The following OTUD4 variants were observed in gnomAD, a reference collection of about 807,000 sequenced individuals.
OTUD4 encodes the protein OTU domain-containing protein 4.
OTUD4 carries 24 observed loss-of-function variants against 130.4 expected under a neutral mutation model. The ratio of observed to expected loss-of-function variants is 0.18; its 90% CI spans 0.13 to 0.26. The LOEUF is 0.26. Ranked by LOEUF, OTUD4 falls within the 10% of genes least tolerant of loss-of-function variation. The pLI is 1.00. For missense variants in OTUD4, 1,031 were observed against 1,329.4 expected, an observed-to-expected ratio of 0.78 and a Z score of 3.49; for synonymous variants, 420 against 472.5, an observed-to-expected ratio of 0.89 and a Z score of 1.44.
intron 7 of OTUD4, among the ~76,000 whole-genome samples, chr4:145,158,659 C>T (rs976782533): frequency 3.9e-5 from 6 of 152,112 alleles, no homozygotes; most frequent in African/African-American, 1.2e-4. Flanking sequence ...TATTCTCATA[C>T]AACAATGTAT....
At chr4:145,165,403 A>G (rs987560146) in intron 3 of OTUD4, among the ~76,000 whole-genome samples, 4 of 152,236 alleles carry the variant, frequency 2.6e-5, no homozygotes, top group African/African-American at 9.6e-5. Flanking sequence ...CCACACATAC[A>G]CAAAAAAATA....
intron 16 of OTUD4, 58 bp from the exon 17 acceptor site, chr4:145,143,503 T>G: frequency 1.0e-6 from 1 of 981,966 alleles, no homozygotes; most frequent in Non-Finnish European, 1.6e-6. Flanking sequence ...TTCTGGAATA[T>G]TGATGGTTTC....
intron 4 of OTUD4, 114 bp downstream of exon 4, chr4:145,165,037 G>C (rs548060731): frequency 1.9e-6 from 1 of 513,926 alleles, no homozygotes; most frequent in Non-Finnish European, 3.4e-6. Flanking sequence ...ACTTAGAAAA[G>C]ATACTTCATA....
intron 14 of OTUD4, among the ~76,000 whole-genome samples, chr4:145,144,775 A>G (rs996637931): frequency 1.3e-5 from 2 of 152,110 alleles, no homozygotes; most frequent in Non-Finnish European, 2.9e-5. Context: ...CCAACCTTCC[A>G]AAAAAATCAT....
chr4:145,154,193 C>T (rs142763712), intron 10 of OTUD4, among the ~76,000 whole-genome samples: 4 of 152,300 alleles, frequency 2.6e-5, no homozygotes, highest in African/African-American at 4.8e-5. Context: ...GATTTAATCT[C>T]ATTTGTTCTC....
At chr4:145,156,770 C>T (rs1225240114) in intron 7 of OTUD4, among the ~76,000 whole-genome samples, 1 of 152,112 alleles carries the variant, frequency 6.6e-6, no homozygotes, top group Non-Finnish European at 1.5e-5. Context: ...GTCACATACA[C>T]ACCTACACAT....
intron 3 of OTUD4, 103 bp downstream of exon 3, chr4:145,171,567 C>G: frequency 1.6e-6 from 1 of 620,560 alleles, no homozygotes; most frequent in East Asian, 2.9e-5. Flanking sequence ...ACCGTCACTG[C>G]AACTCCTCTA....
chr4:145,160,660 C>T (rs900692439), intron 6 of OTUD4, among the ~76,000 whole-genome samples: 1 of 151,668 alleles, frequency 6.6e-6, no homozygotes, highest in Admixed American at 6.6e-5. Context: ...TAAAAATACA[C>T]AAATTACCCA....
At chr4:145,177,490 A>G (rs975215567) in intron 1 of OTUD4, among the ~76,000 whole-genome samples, 1 of 152,278 alleles carries the variant, frequency 6.6e-6, no homozygotes, top group Non-Finnish European at 1.5e-5. Flanking sequence ...GGTTGATAAC[A>G]CTTCGAAAGA....
chr4:145,162,763 A>T (rs770634049), intron 5 of OTUD4, 42 bp from the exon 6 acceptor site: 1 of 1,011,358 alleles, frequency 9.9e-7, no homozygotes, highest in East Asian at 2.5e-5. Flanking sequence ...CCCCTCATAC[A>T]TATAACATTT....
intron 1 of OTUD4, among the ~76,000 whole-genome samples, chr4:145,176,381 T>C (rs184728499): frequency 4.0e-5 from 6 of 151,780 alleles, no homozygotes; most frequent in East Asian, 1.9e-4. Context: ...TAATAGAAAG[T>C]ATCTTTAAAA....
chr4:145,144,415 G>T lies in OTUD4; in HGVS notation c.1442C>A (p.Ser481Ter). The T allele has an allele frequency of 6.2e-7, 1 of 1,611,196 alleles. No homozygotes were observed. Among genetic ancestry groups the T allele is most frequent in the South Asian group, 1.1e-5 (1 of 90,494 alleles). Residue 481 changes from serine (S) to a stop codon, truncating the protein, a stop_gained, in exon 15 of 21, where the codon TCA (serine) becomes TAA (stop). Transcript: ENST00000447906. LOFTEE classifies it high-confidence loss of function. Reference sequence around the variant, plus strand: ...ACATGGATTGCTACTCTGAGAAGCTGACTGATTGACTGATGAGCTCTTTAA... The same window carrying T: ...ACATGGATTGCTACTCTGAGAAGCTTACTGATTGACTGATGAGCTCTTTAA... The part of the protein sequence containing the change: ...PALSSSSVNQ[S>*]ASQSSNPCVQ...
intron 3 of OTUD4, 81 bp downstream of exon 3, chr4:145,171,589 A>G (rs2126804325): frequency 1.4e-6 from 1 of 713,958 alleles, no homozygotes. Context: ...ACACTGTAAT[A>G]GTAATCTTCT....
rs568468853 is a variant in OTUD4, at chr4:145,180,335, G to C, written c.-362C>G. ...GCCGCCCCCACAAGTTTCCTCCTCC[G>C]TACCGGTGTGAAGCGAGAAAACCCC... On this transcript the variant is annotated 5_prime_UTR_variant, in exon 1 of 21. Transcript: ENST00000447906. 2.0e-5 allele frequency among the ~76,000 whole-genome samples: 3 copies of C among 152,208 alleles called. No homozygotes were observed. The highest frequency in any genetic ancestry group is 7.2e-5 in the African/African-American group (3 of 41,560).
Position 145,138,227 on chromosome 4 carries a change from G to A in OTUD4, c.2548C>T (p.Pro850Ser). 2 of 1,613,936 alleles carry A rather than the reference G, an allele frequency of 1.2e-6. No homozygotes were observed. The highest frequency in any genetic ancestry group is 1.7e-6 in the Non-Finnish European group (2 of 1,179,858). The change falls in exon 21 of 21, where the codon CCA becomes TCA. Residue 850 changes from proline (P) to serine (S), a missense_variant. Transcript: ENST00000447906. ...PSFGPNPFLG[P>S]VPIAPPFFPH... is the part of the protein sequence containing the mutation. ...AAGAAAGGAGGTGCAATAGGAACTGGGCCTAAGAATGGATTGGGTCCAAAA... is the reference window on the plus strand; with the variant it reads ...AAGAAAGGAGGTGCAATAGGAACTGAGCCTAAGAATGGATTGGGTCCAAAA...
rs764105709 is a variant in OTUD4 at position 145,137,916 on chromosome 4, G to A, written c.2859C>T (p.Ile953=). The A allele has an allele frequency of 3.1e-6, 5 of 1,614,024 alleles. No homozygotes were observed. The African/African-American group carries it at 5.3e-5, about 17-fold the overall frequency. Residue 953 remains isoleucine, a synonymous_variant, in exon 21 of 21, where the codon ATC becomes ATT. Coordinates refer to ENST00000447906, the MANE Select transcript of OTUD4 (RefSeq NM_001366057.1). ...GAGCCTTTCCCTCTGCTACAGGAGG[G>A]ATGGAAGCCAATGCCGTATCTGCCT... ...TRKADTALAS[I]PPVAEGKAHP...
At chr4:145,170,124 G>A (rs561880338) in intron 3 of OTUD4, among the ~76,000 whole-genome samples, 1 of 152,274 alleles carries the variant, frequency 6.6e-6, no homozygotes, top group East Asian at 1.9e-4. Flanking sequence ...TGATGCCTAG[G>A]CCCCAGGCCC....
At chr4:145,165,302 A>T (rs958609806) in intron 3 of OTUD4, 105 bp from the exon 4 acceptor site, 7 of 654,460 alleles carry the variant, frequency 1.1e-5, no homozygotes, top group Non-Finnish European at 1.3e-5. Context: ...GAGTTCTTAA[A>T]GCTCATTATT....
intron 10 of OTUD4, among the ~76,000 whole-genome samples, chr4:145,153,156 AAAAG>A (rs1388451663): frequency 1.3e-5 from 2 of 152,316 alleles, no homozygotes; most frequent in East Asian, 1.9e-4. Flanking sequence ...TCTCCTACCT[AAAAG>A]AAAGAAAACC....
Sources: gnomAD v4.1 joint callset for allele counts (sites outside exome capture counted in the v4.1 genomes callset) on GRCh38, gnomAD v4.1.1 for gene constraint, MANE v1.5 for transcripts, NCBI Gene and HGNC (gene_info 2026-07-23, HGNC 2026-07-21) for gene names.